The following CEMIP2 variants were observed in gnomAD, a reference collection of about 807,000 sequenced individuals.
The protein encoded by CEMIP2 is cell surface hyaluronidase CEMIP2.
CEMIP2 carries 79 observed loss-of-function variants against 146.9 expected under a neutral mutation model. That is an observed-to-expected ratio of 0.54 (90% CI 0.45 to 0.65). CEMIP2 has a LOEUF of 0.65. Among genes scored for constraint, CEMIP2 ranks in the 30% least tolerant of loss-of-function variants. CEMIP2 has a pLI of 0.00. For synonymous variants in CEMIP2, 601 were observed against 606.3 expected (o/e 0.99, Z 0.13); for missense variants, 1,596 against 1,696.2 (o/e 0.94, Z 1.04).
At chr9:71,758,365 A>G (rs1482704457) in intron 1 of CEMIP2, among the ~76,000 whole-genome samples, 1 of 152,246 alleles carries the variant, frequency 6.6e-6, no homozygotes, top group Non-Finnish European at 1.5e-5. Flanking sequence ...ACAAAACTTT[A>G]TCTAATGTGT....
rs559650562 is a variant in CEMIP2, at chr9:71,694,348, G to A, written c.3696+161C>T. Among the ~76,000 whole-genome samples, 10 of 152,076 alleles carry A rather than the reference G, an allele frequency of 6.6e-5. No individual in the cohort carries two copies. In the South Asian group the frequency reaches 8.3e-4, roughly 13 times the overall value. On this transcript the variant is annotated intron_variant, in intron 21 of 23. Coordinates refer to ENST00000377044, the MANE Select transcript of CEMIP2 (RefSeq NM_013390.3). Reference sequence around the variant, plus strand: ...TCACCATGTTAGCCAGGATGGTCTCGATCTAACCTTATGATCTGCCCACCT... The same window carrying A: ...TCACCATGTTAGCCAGGATGGTCTCAATCTAACCTTATGATCTGCCCACCT...
intron 21 of CEMIP2, 92 bp downstream of exon 21, chr9:71,694,417 C>A (rs1379466342): frequency 6.8e-6 from 7 of 1,032,112 alleles, no homozygotes; most frequent in Middle Eastern, 2.3e-4. Context: ...GCCACCGCAC[C>A]CAGCCAATTT....
chr9:71,722,613 AC>A, intron 11 of CEMIP2, 98 bp from the exon 12 acceptor site: 1 of 953,908 alleles, frequency 1.0e-6, no homozygotes, highest in Non-Finnish European at 1.5e-6. Context: ...TATCACTTCT[AC>A]CAAAAAAAGT....
At chr9:71,751,779 C>A (rs965338831) in intron 1 of CEMIP2, among the ~76,000 whole-genome samples, 1 of 152,098 alleles carries the variant, frequency 6.6e-6, no homozygotes. Context: ...CTAAAAGTTC[C>A]AATAGCTAGG....
At chr9:71,696,854 T>C (rs1281205664) in intron 20 of CEMIP2, among the ~76,000 whole-genome samples, 1 of 151,286 alleles carries the variant, frequency 6.6e-6, no homozygotes, top group Non-Finnish European at 1.5e-5. Context: ...TTCTTCCTGG[T>C]CTTACTGCCA....
At chr9:71,728,245 A>ATATGTATATATATATATACG (rs1823464472) in intron 10 of CEMIP2, among the ~76,000 whole-genome samples, 1 of 40,344 alleles carries the variant, frequency 2.5e-5, no homozygotes, top group African/African-American at 6.8e-5. Context: ...ATATATATAT[A>ATATGTATATATATATATACG]TATATGTATA....
At position 71,684,505 on chromosome 9, in the gene CEMIP2, C is replaced by T. The variant is rs530066865; in HGVS notation, c.*692G>A. On this transcript the variant is annotated 3_prime_UTR_variant, in exon 24 of 24. Coordinates refer to ENST00000377044, the MANE Select transcript of CEMIP2 (RefSeq NM_013390.3). ...TGGTCCCAACAGCCTCAGACTTTTG[C>T]TGCAGGAAAATTTTTTGCCCAATGG... The T allele has an allele frequency of 6.5e-6, 1 of 152,718 alleles. No homozygotes were observed. Among genetic ancestry groups the T allele is most frequent in the South Asian group, 2.1e-4 (1 of 4,832 alleles). The allele number at this position is 152,718 out of a possible 1,614,324, so 9.5% of individuals were successfully genotyped here.
In CEMIP2 at chr9:71,756,235, G is replaced by GGT. The variant is rs542583604; in HGVS notation, c.-12-5852_-12-5851dup. ...GATAGGCTATATATATATGTATATAGGTGTATATATATATATATATATGTA... is the reference window on the plus strand; with the variant it reads ...GATAGGCTATATATATATGTATATAGGTGTGTATATATATATATATATATGTA... On this transcript the variant is annotated intron_variant, in intron 1 of 23. Coordinates refer to ENST00000377044, the MANE Select transcript of CEMIP2 (RefSeq NM_013390.3). 3.7e-4 allele frequency among the ~76,000 whole-genome samples: 40 copies of GGT among 107,960 alleles called. No homozygotes were observed. In the South Asian group the frequency reaches 9.3e-3, roughly 25 times the overall value. 70.8% of individuals were successfully genotyped at this position (107,960 alleles called of 152,430 possible).
At chr9:71,718,197 C>A in intron 12 of CEMIP2, 118 bp from the exon 13 acceptor site, 2 of 971,720 alleles carry the variant, frequency 2.1e-6, no homozygotes, top group South Asian at 2.5e-5. Flanking sequence ...ATGAAAAATT[C>A]TTAAGATACA....
intron 17 of CEMIP2, among the ~76,000 whole-genome samples, chr9:71,707,815 G>A (rs1286304870): frequency 6.6e-6 from 1 of 152,198 alleles, no homozygotes; most frequent in Non-Finnish European, 1.5e-5. Flanking sequence ...AATTCTATGT[G>A]GAAAATCCCT....
chr9:71,704,944 A>G, intron 17 of CEMIP2, 141 bp from the exon 18 acceptor site: 1 of 720,244 alleles, frequency 1.4e-6, no homozygotes, highest in Non-Finnish European at 2.3e-6. Flanking sequence ...GCAGCAGCCA[A>G]CTACATCCTC....
At chr9:71,756,822 T>C (rs922045473) in intron 1 of CEMIP2, among the ~76,000 whole-genome samples, 3 of 152,200 alleles carry the variant, frequency 2.0e-5, no homozygotes, top group Admixed American at 1.3e-4. Flanking sequence ...ATTCAACCTT[T>C]CACAATATTT....
Position 71,740,807 on chromosome 9 carries a change from ACAT to A in CEMIP2, c.1035-578_1035-576del, listed in dbSNP as rs1455158851. Among the ~76,000 whole-genome samples, 622 of 152,294 alleles carry A rather than the reference ACAT, an allele frequency of 4.1e-3. 6 individuals are homozygous for A. Among genetic ancestry groups the A allele is most frequent in the African/African-American group, 0.014 (578 of 41,556 alleles). ...TTTTTAAAGTTCCCAGGTGACTGGA[ACAT>A]GCAGTTAGGCTTAAAAACCACTGAT... On this transcript the variant is annotated intron_variant, in intron 4 of 23. Transcript: ENST00000377044.
chr9:71,689,513 G>A (rs1822164573), intron 22 of CEMIP2, among the ~76,000 whole-genome samples: 1 of 152,168 alleles, frequency 6.6e-6, no homozygotes, highest in Non-Finnish European at 1.5e-5. Context: ...AATCAGACTA[G>A]TGCTCTGTAA....
intron 11 of CEMIP2, among the ~76,000 whole-genome samples, chr9:71,723,135 A>AG (rs1159470935): frequency 6.5e-5 from 9 of 137,596 alleles, no homozygotes; most frequent in African/African-American, 1.1e-4. Flanking sequence ...GAACAGCCAA[A>AG]GAAAAAAAAA....
At chr9:71,754,145 T>A (rs1252029273) in intron 1 of CEMIP2, among the ~76,000 whole-genome samples, 1 of 152,066 alleles carries the variant, frequency 6.6e-6, no homozygotes, top group African/African-American at 2.4e-5. Flanking sequence ...CAAACCAACA[T>A]AGCACACGTA....
rs1392176303 is a variant in CEMIP2 at position 71,698,177 on chromosome 9, T to C, written c.3405A>G (p.Lys1135=). ...TGLLFLYLKA[K]SHRHGHSYCS... is the part of the protein sequence containing the mutation. The stretch of plus-strand genomic sequence containing the variant: ...AGTAACTGTGGCCATGCCTGTGGCT[T>C]TTGGCTTTGAGATACAAAAACAGTA... Residue 1135 remains lysine, a synonymous_variant, in exon 20 of 24, where the codon AAA becomes AAG. Coordinates refer to ENST00000377044, the MANE Select transcript of CEMIP2 (RefSeq NM_013390.3). 1.9e-6 allele frequency: 3 copies of C among 1,614,208 alleles called. No individual in the cohort carries two copies. The highest frequency in any genetic ancestry group is 2.5e-6 in the Non-Finnish European group (3 of 1,180,034).
intron 13 of CEMIP2, among the ~76,000 whole-genome samples, chr9:71,716,953 C>T (rs4745118): frequency 0.46 from 69,674 of 152,090 alleles, 18,862 homozygotes; most frequent in Non-Finnish European, 0.6. Context: ...AGGAGAATCG[C>T]TTGAGCCCAG....
At chr9:71,743,149 C>T (rs552057526) in intron 4 of CEMIP2, among the ~76,000 whole-genome samples, 11 of 151,280 alleles carry the variant, frequency 7.3e-5, no homozygotes, top group African/African-American at 1.4e-4. Flanking sequence ...GCAAAGAAGC[C>T]GGACACAAAA....
Sources: gnomAD v4.1 joint callset for allele counts (sites outside exome capture counted in the v4.1 genomes callset) on GRCh38, gnomAD v4.1.1 for gene constraint, MANE v1.5 for transcripts, NCBI Gene and HGNC (gene_info 2026-07-23, HGNC 2026-07-21) for gene names.